Variants in KCNJ6 observed in about 807,000 individuals in gnomAD.
The protein encoded by KCNJ6 is G protein-activated inward rectifier potassium channel 2.
In KCNJ6, 9 loss-of-function variants were observed where a neutral mutation model predicts 34.2. The ratio of observed to expected loss-of-function variants is 0.26; its 90% confidence interval spans 0.16 to 0.46. The LOEUF (loss-of-function observed/expected upper bound fraction) is 0.46. Among genes scored for constraint, KCNJ6 ranks in the 20% least tolerant of loss-of-function variants. KCNJ6 has a pLI of 1.00. For missense variants in KCNJ6, 236 were observed against 531.3 expected, an observed-to-expected ratio of 0.44 and a Z score of 5.46; for synonymous variants, 196 against 207.1, an observed-to-expected ratio of 0.95 and a Z score of 0.46.
chr21:37,850,306 C>T (rs1284110171), intron 1 of KCNJ6, among the ~76,000 whole-genome samples: 1 of 151,942 alleles, frequency 6.6e-6, no homozygotes, highest in Admixed American at 6.6e-5. Context: ...AACAGGGGTC[C>T]CCAAACCCCA....
chr21:37,648,260 A>G (rs2054414840), intron 3 of KCNJ6, among the ~76,000 whole-genome samples: 1 of 152,214 alleles, frequency 6.6e-6, no homozygotes, highest in Admixed American at 6.5e-5. Flanking sequence ...CTCTGTCTAC[A>G]GAGCTGTGGG....
chr21:37,680,660 A>G (rs2054586764), intron 3 of KCNJ6, among the ~76,000 whole-genome samples: 1 of 152,214 alleles, frequency 6.6e-6, no homozygotes, highest in Non-Finnish European at 1.5e-5. Flanking sequence ...ACTGTACTAC[A>G]GCTGGGACAC....
intron 1 of KCNJ6, among the ~76,000 whole-genome samples, chr21:37,867,193 G>A (rs2055626938): frequency 6.6e-6 from 1 of 152,042 alleles, no homozygotes; most frequent in Non-Finnish European, 1.5e-5. Context: ...TTTTCCATAT[G>A]TTAGTTTTAT....
intron 1 of KCNJ6, among the ~76,000 whole-genome samples, chr21:37,870,199 A>AG (rs1451463459): frequency 6.6e-6 from 1 of 151,944 alleles, no homozygotes; most frequent in Non-Finnish European, 1.5e-5. Context: ...CAATCCATGG[A>AG]GGATTTCCCA....
chr21:37,701,933 C>G (rs1601426183), intron 3 of KCNJ6, among the ~76,000 whole-genome samples: 1 of 152,072 alleles, frequency 6.6e-6, no homozygotes, highest in Non-Finnish European at 1.5e-5. Context: ...TGATTTATGT[C>G]TTACTAAGAG....
chr21:37,690,680 C>T (rs1179375714), intron 3 of KCNJ6, among the ~76,000 whole-genome samples: 1 of 152,140 alleles, frequency 6.6e-6, no homozygotes, highest in East Asian at 1.9e-4. Flanking sequence ...TTAAAAATTC[C>T]ACAAAGCCCC....
chr21:37,740,163 C>T (rs2054933459), intron 2 of KCNJ6, among the ~76,000 whole-genome samples: 1 of 152,146 alleles, frequency 6.6e-6, no homozygotes, highest in Admixed American at 6.5e-5. Flanking sequence ...TGAACGCCCC[C>T]CAACCATCTG....
At chr21:37,642,988 C>G (rs860795) in intron 3 of KCNJ6, among the ~76,000 whole-genome samples, 25,354 of 152,058 alleles carry the variant, frequency 0.17, 2,523 homozygotes, top group East Asian at 0.38. Context: ...TGTCAATGGA[C>G]TTTATGATTC....
At chr21:37,707,733 G>GTGTGTGTGTGTGTGTATA (rs1237113944) in intron 3 of KCNJ6, among the ~76,000 whole-genome samples, 1 of 149,898 alleles carries the variant, frequency 6.7e-6, no homozygotes, top group Non-Finnish European at 1.5e-5. Flanking sequence ...ATGTGTGTGT[G>GTGTGTGTGTGTGTGTATA]TGAATAATTT....
At chr21:37,805,168 G>A (rs1169381928) in intron 2 of KCNJ6, among the ~76,000 whole-genome samples, 1 of 152,110 alleles carries the variant, frequency 6.6e-6, no homozygotes, top group Non-Finnish European at 1.5e-5. Context: ...TGATAGAAAT[G>A]TTCTGGCATT....
chr21:37,648,584 A>G (rs1400053362), intron 3 of KCNJ6, among the ~76,000 whole-genome samples: 2 of 152,170 alleles, frequency 1.3e-5, no homozygotes, highest in African/African-American at 4.8e-5. Context: ...CAAATTGCCA[A>G]TAGGTGCATT....
intron 1 of KCNJ6, among the ~76,000 whole-genome samples, chr21:37,913,194 C>T (rs906419216): frequency 2.0e-5 from 3 of 152,168 alleles, no homozygotes; most frequent in East Asian, 1.9e-4. Context: ...ACCAGCTTCT[C>T]GTAAAGTGAG....
rs1333391096 is a variant in KCNJ6 at position 37,622,394 on chromosome 21, C to G, written c.*2765G>C. On this transcript the variant is annotated 3_prime_UTR_variant, in exon 4 of 4. Transcript: ENST00000609713. ...CTTAATGGAAAACACCATTCACTCA[C>G]TACTCGCTGCTTAGAAAATCAGTCT... 6.6e-6 allele frequency: 1 copy of G among 152,226 alleles called. No individual in the cohort carries two copies. The highest frequency in any genetic ancestry group is 1.5e-5 in the Non-Finnish European group (1 of 68,044). 9.4% of individuals were successfully genotyped at this position (152,226 alleles called of 1,614,324 possible).
At chr21:37,752,619 C>T (rs1216887589) in intron 2 of KCNJ6, among the ~76,000 whole-genome samples, 1 of 152,130 alleles carries the variant, frequency 6.6e-6, no homozygotes, top group Non-Finnish European at 1.5e-5. Flanking sequence ...CACAGGGTCA[C>T]CATAATGTGA....
chr21:37,844,727 C>T (rs571941226), intron 1 of KCNJ6, among the ~76,000 whole-genome samples: 2 of 152,148 alleles, frequency 1.3e-5, no homozygotes, highest in Non-Finnish European at 2.9e-5. Context: ...AAATTCATCC[C>T]TAAAAACTCT....
At chr21:37,887,434 T>G (rs989666618) in intron 1 of KCNJ6, among the ~76,000 whole-genome samples, 1 of 152,194 alleles carries the variant, frequency 6.6e-6, no homozygotes, top group Admixed American at 6.5e-5. Context: ...GTGCCCCTTA[T>G]AGGCCAGTTA....
chr21:37,616,920 C>T lies in KCNJ6; in HGVS notation c.*8239G>A, dbSNP rs778250469. 24 of 151,888 alleles carry T rather than the reference C, an allele frequency of 1.6e-4. No homozygotes were observed. The highest frequency in any genetic ancestry group is 5.8e-4 in the East Asian group (3 of 5,148). The allele number at this position is 151,888 out of a possible 1,614,324, so 9.4% of individuals were successfully genotyped here. A position where few individuals can be genotyped will look rare whatever the true frequency, so the allele number is the denominator to read the frequency against. On this transcript the variant is annotated 3_prime_UTR_variant, in exon 4 of 4. Coordinates refer to ENST00000609713, the MANE Select transcript of KCNJ6 (RefSeq NM_002240.5). ...ATGCAGAGTTCCTTGCAGATAATAACGGGACTTGAAATTGATGCCTTCATT... is the reference window on the plus strand; with the variant it reads ...ATGCAGAGTTCCTTGCAGATAATAATGGGACTTGAAATTGATGCCTTCATT...
chr21:37,862,465 C>T lies in KCNJ6; in HGVS notation c.-27-21756G>A, dbSNP rs116892358. ...CTAGCTGTGCTTTAATTCTAAAAGG[C>T]GAAGGCTTTGTTAAGTAGCTCAAAC... On this transcript the variant is annotated intron_variant, in intron 1 of 3. Coordinates refer to ENST00000609713, the MANE Select transcript of KCNJ6 (RefSeq NM_002240.5). Among the ~76,000 whole-genome samples, 125 of 152,294 alleles carry T rather than the reference C, an allele frequency of 8.2e-4. 2 individuals are homozygous for T. Among genetic ancestry groups the T allele is most frequent in the Admixed American group, 5.6e-3 (85 of 15,294 alleles).
chr21:37,687,112 C>T (rs530695148), intron 3 of KCNJ6, among the ~76,000 whole-genome samples: 176 of 152,170 alleles, frequency 1.2e-3, no homozygotes, highest in African/African-American at 4.2e-3. Flanking sequence ...GGCCCCAGGC[C>T]CTTGGAGGCA....
Sources: allele counts gnomAD v4.1 joint callset (sites outside exome capture counted in the v4.1 genomes callset), GRCh38; gene constraint gnomAD v4.1.1; transcripts MANE v1.5; gene names NCBI Gene and HGNC (gene_info 2026-07-23, HGNC 2026-07-21).